KCNQ1: variants seen among roughly 807,000 people sequenced by gnomAD.
KCNQ1 encodes the protein potassium voltage-gated channel subfamily Q member 1.
In KCNQ1, 49 loss-of-function variants were observed where a neutral mutation model predicts 72.4. The observed-to-expected ratio is 0.68, with a 90% CI of 0.54 to 0.86. KCNQ1 has a LOEUF of 0.86. Ranked by LOEUF, KCNQ1 falls within the 40% of genes least tolerant of loss-of-function variation. The pLI is 0.00. For synonymous variants in KCNQ1, 450 were observed against 412.6 expected (o/e 1.09, Z -1.10); for missense variants, 790 against 945.1 (o/e 0.84, Z 2.15).
chr11:2,697,098 T>C, intron 11 of KCNQ1: 1 of 398,632 alleles, frequency 2.5e-6, no homozygotes, highest in Non-Finnish European at 4.4e-6. Context: ...GCCTTTTCTT[T>C]CATTCTCACA....
In KCNQ1 at chr11:2,781,690, GGGCCCTGTTTATTTT is replaced by G. The variant is rs1269083543; in HGVS notation, c.1794+3655_1794+3669del. 3.9e-5 allele frequency among the ~76,000 whole-genome samples: 6 copies of G among 152,232 alleles called. No individual in the cohort carries two copies. Among genetic ancestry groups the G allele is most frequent in the Non-Finnish European group, 2.9e-5 (2 of 68,040 alleles). ...CAGGACCTGCCACACTGTTTACGTTGGGCCCTGTTTATTTTGCAAGCTAAGCTCATACTGCTTTTG... is the reference window on the plus strand; with the variant it reads ...CAGGACCTGCCACACTGTTTACGTTGGCAAGCTAAGCTCATACTGCTTTTG... On this transcript the variant is annotated intron_variant, in intron 15 of 15. Coordinates refer to ENST00000155840, the MANE Select transcript of KCNQ1 (RefSeq NM_000218.3). The surrounding 1 kb of genome is among the most constrained non-coding windows in gnomAD (Gnocchi z 6.6).
rs1297624951 is a variant in KCNQ1 at position 2,492,332 on chromosome 11, C to G, written c.387-35596C>G. Among the ~76,000 whole-genome samples, 1 of 152,098 alleles carries G rather than the reference C, an allele frequency of 6.6e-6. No individual in the cohort carries two copies. The highest frequency in any genetic ancestry group is 2.4e-5 in the African/African-American group (1 of 41,430). Reference sequence around the variant, plus strand: ...CAAAAAAACTTAAAAAGCGGAGAGACAAAAGTTGAAGTGTAGAGATTTTTT... The same window carrying G: ...CAAAAAAACTTAAAAAGCGGAGAGAGAAAAGTTGAAGTGTAGAGATTTTTT... On this transcript the variant is annotated intron_variant, in intron 1 of 15. Coordinates refer to ENST00000155840, the MANE Select transcript of KCNQ1 (RefSeq NM_000218.3). The surrounding 1 kb of genome is among the most constrained non-coding windows in gnomAD (Gnocchi z 4.1).
Position 2,703,672 on chromosome 11 carries a change from C to A in KCNQ1, c.1514+41591C>A, listed in dbSNP as rs1230409899. Among the ~76,000 whole-genome samples, 1 of 152,074 alleles carries A rather than the reference C, an allele frequency of 6.6e-6. No individual in the cohort carries two copies. The highest frequency in any genetic ancestry group is 1.5e-5 in the Non-Finnish European group (1 of 68,026). On this transcript the variant is annotated intron_variant, in intron 11 of 15. Transcript: ENST00000155840. This position sits in a 1 kb window ranked among gnomAD's most constrained non-coding sequence, Gnocchi z 6.4. Reference sequence around the variant, plus strand: ...TGGGGCCCAGAGCCCCGGCGGTGTCCCAGGGGAAACACCAGTCCTCTTCTG... The same window carrying A: ...TGGGGCCCAGAGCCCCGGCGGTGTCACAGGGGAAACACCAGTCCTCTTCTG...
At chr11:2,831,603 G>A (rs984548455) in intron 15 of KCNQ1, among the ~76,000 whole-genome samples, 1 of 151,700 alleles carries the variant, frequency 6.6e-6, no homozygotes, top group African/African-American at 2.4e-5. Flanking sequence ...CAACCATAGT[G>A]TCCCCTCCGC....
rs1849011803 is a variant in KCNQ1 at position 2,613,378 on chromosome 11, G to T, written c.1393+24524G>T. On this transcript the variant is annotated intron_variant, in intron 10 of 15. Coordinates refer to ENST00000155840, the MANE Select transcript of KCNQ1 (RefSeq NM_000218.3). The surrounding 1 kb of genome is among the most constrained non-coding windows in gnomAD (Gnocchi z 4.8). ...TTGAAACATTAGGTTGCTGTGATGT[G>T]GGTTGCCTCCAATTATTTGCCACTG... 1 of 398,358 alleles carries T rather than the reference G, an allele frequency of 2.5e-6. No individual in the cohort carries two copies. Among genetic ancestry groups the T allele is most frequent in the Non-Finnish European group, 4.4e-6 (1 of 226,026 alleles). The allele number at this position is 398,358 out of a possible 1,614,324, so 24.7% of individuals were successfully genotyped here.
rs1848814587 is a variant in KCNQ1, at chr11:2,601,933, T to A, written c.1393+13079T>A. On this transcript the variant is annotated intron_variant, in intron 10 of 15. Transcript: ENST00000155840. The surrounding 1 kb of genome is among the most constrained non-coding windows in gnomAD (Gnocchi z 5.2). The stretch of plus-strand genomic sequence containing the variant: ...CCTAGAACCTGTGACTATCGCCTTC[T>A]ATGGCAAAGGGCACTCTGCAGATGT... Among the ~76,000 whole-genome samples, 1 of 152,176 alleles carries A rather than the reference T, an allele frequency of 6.6e-6. No individual in the cohort carries two copies.
chr11:2,451,855 CTCA>C lies in KCNQ1; in HGVS notation c.386+6372_386+6374del, dbSNP rs1463544893. ...TTGCTCATGCCACACCCAGAAAGCC[CTCA>C]GGACACCCAGAAGCCCTTAGGATGC... On this transcript the variant is annotated intron_variant, in intron 1 of 15. Coordinates refer to ENST00000155840, the MANE Select transcript of KCNQ1 (RefSeq NM_000218.3). This position sits in a 1 kb window ranked among gnomAD's most constrained non-coding sequence, Gnocchi z 6.4. 6.6e-6 allele frequency among the ~76,000 whole-genome samples: 1 copy of C among 152,190 alleles called. No homozygotes were observed. Among genetic ancestry groups the C allele is most frequent in the Non-Finnish European group, 1.5e-5 (1 of 68,042 alleles).
In KCNQ1 at chr11:2,612,873, T is replaced by C. The variant is rs1228283391; in HGVS notation, c.1393+24019T>C. On this transcript the variant is annotated intron_variant, in intron 10 of 15. Coordinates refer to ENST00000155840, the MANE Select transcript of KCNQ1 (RefSeq NM_000218.3). This position sits in a 1 kb window ranked among gnomAD's most constrained non-coding sequence, Gnocchi z 5.5. Reference sequence around the variant, plus strand: ...AACTCTGGATTCTAGTTCTTCTCCCTAACCAGGGATGATTTCTGTTACTCA... The same window carrying C: ...AACTCTGGATTCTAGTTCTTCTCCCCAACCAGGGATGATTTCTGTTACTCA... 5.0e-6 allele frequency: 2 copies of C among 398,510 alleles called. No individual in the cohort carries two copies. The highest frequency in any genetic ancestry group is 8.8e-6 in the Non-Finnish European group (2 of 226,066). 24.7% of individuals were successfully genotyped at this position (398,510 alleles called of 1,614,324 possible).
At chr11:2,490,358 C>T (rs1846815300) in intron 1 of KCNQ1, among the ~76,000 whole-genome samples, 1 of 152,232 alleles carries the variant, frequency 6.6e-6, no homozygotes, top group Admixed American at 6.5e-5. Flanking sequence ...ACTCACCACC[C>T]TAAAGTGAAG....
Position 2,527,949 on chromosome 11 carries a change from C to A in KCNQ1, c.408C>A (p.Cys136Ter). The A allele has an allele frequency of 3.1e-6, 5 of 1,614,094 alleles. No individual in the cohort carries two copies. The highest frequency in any genetic ancestry group is 4.2e-6 in the Non-Finnish European group (5 of 1,180,006). ...GCAGCTTCCTCATCGTCCTGGTCTG[C>A]CTCATCTTCAGCGTGCTGTCCACCA... ...HFAVFLIVLV[C>*]LIFSVLSTIE... is the part of the protein sequence containing the mutation. The change falls in exon 2 of 16, where the codon TGC becomes TGA. Residue 136 changes from cysteine to a stop codon, truncating the protein, a stop_gained. Coordinates refer to ENST00000155840, the MANE Select transcript of KCNQ1 (RefSeq NM_000218.3). LOFTEE classifies it high-confidence loss of function.
intron 10 of KCNQ1, chr11:2,660,806 T>A (rs560608571): frequency 3.8e-5 from 15 of 398,606 alleles, no homozygotes; most frequent in African/African-American, 6.2e-5. Flanking sequence ...TAGCAACATT[T>A]ATTAAAATTA....
Position 2,493,506 on chromosome 11 carries a change from C to A in KCNQ1, c.387-34422C>A, listed in dbSNP as rs187490300. On this transcript the variant is annotated intron_variant, in intron 1 of 15. Transcript: ENST00000155840. This position sits in a 1 kb window ranked among gnomAD's most constrained non-coding sequence, Gnocchi z 5.3. ...TAGGTTTTACATTTAAGTCTTTAATCATCTTGAGTTAATTTTTATATAAGT... is the reference window on the plus strand; with the variant it reads ...TAGGTTTTACATTTAAGTCTTTAATAATCTTGAGTTAATTTTTATATAAGT... 2.6e-5 allele frequency among the ~76,000 whole-genome samples: 4 copies of A among 152,256 alleles called. 1 individual carries two copies. In the East Asian group the frequency reaches 7.7e-4, roughly 29 times the overall value.
chr11:2,574,922 C>A (rs151184976), intron 6 of KCNQ1, among the ~76,000 whole-genome samples: 133 of 152,314 alleles, frequency 8.7e-4, no homozygotes, highest in African/African-American at 3.1e-3. Flanking sequence ...GCCCAGCCCC[C>A]CTGCGGGAGC....
Position 2,450,652 on chromosome 11 carries a change from TC to T in KCNQ1, c.386+5170del, listed in dbSNP as rs929477353. On this transcript the variant is annotated intron_variant, in intron 1 of 15. Transcript: ENST00000155840. This position sits in a 1 kb window ranked among gnomAD's most constrained non-coding sequence, Gnocchi z 7.9. ...AGACCGTCCTGGCCTCCACACCCCTTCCTGGTGGGTAGCTGTCTCTCTCCAG... is the reference window on the plus strand; with the variant it reads ...AGACCGTCCTGGCCTCCACACCCCTTCTGGTGGGTAGCTGTCTCTCTCCAG... 4.6e-5 allele frequency among the ~76,000 whole-genome samples: 7 copies of T among 152,040 alleles called. No individual in the cohort carries two copies. Among genetic ancestry groups the T allele is most frequent in the African/African-American group, 1.4e-4 (6 of 41,390 alleles).
intron 2 of KCNQ1, among the ~76,000 whole-genome samples, chr11:2,554,879 A>AG (rs1405002854): frequency 2.6e-5 from 4 of 152,302 alleles, no homozygotes; most frequent in South Asian, 2.1e-4. Flanking sequence ...CATTCCTGAA[A>AG]GGGGGGGAAA....
At chr11:2,705,012 T>A (rs892942352) in intron 11 of KCNQ1, among the ~76,000 whole-genome samples, 1 of 151,992 alleles carries the variant, frequency 6.6e-6, no homozygotes, top group African/African-American at 2.4e-5. Context: ...CCGTCTTAGC[T>A]ACCCAAGGCC....
In KCNQ1 at chr11:2,562,065, G is replaced by A. The variant is rs1462066119; in HGVS notation, c.478-8563G>A. On this transcript the variant is annotated intron_variant, in intron 2 of 15. Coordinates refer to ENST00000155840, the MANE Select transcript of KCNQ1 (RefSeq NM_000218.3). This position sits in a 1 kb window ranked among gnomAD's most constrained non-coding sequence, Gnocchi z 7.5. ...GCAGGGCAGGGTCATGTCCCCAGCA[G>A]TAAGGCCAGGACAGGGCAGCCGGAC... Among the ~76,000 whole-genome samples, 1 of 152,172 alleles carries A rather than the reference G, an allele frequency of 6.6e-6. No individual in the cohort carries two copies. The highest frequency in any genetic ancestry group is 1.5e-5 in the Non-Finnish European group (1 of 68,008).
chr11:2,729,473 C>G (rs170786), intron 11 of KCNQ1, among the ~76,000 whole-genome samples: 2 of 152,130 alleles, frequency 1.3e-5, no homozygotes, highest in African/African-American at 2.4e-5. Context: ...AAAACTGATA[C>G]GAAATTCCAA....
rs1846497576 is a variant in KCNQ1, at chr11:2,766,347, G to A, written c.1515-2497G>A. On this transcript the variant is annotated intron_variant, in intron 11 of 15. Transcript: ENST00000155840. This position sits in a 1 kb window ranked among gnomAD's most constrained non-coding sequence, Gnocchi z 4.4. ...ATGGTGATGTGGTGGTGGCTGAGTG[G>A]TCTCTGTTGTCCTCACGTGTCTGGA... is the stretch of plus-strand genomic sequence containing the variant. 6.6e-6 allele frequency among the ~76,000 whole-genome samples: 1 copy of A among 152,204 alleles called. No homozygotes were observed. The highest frequency in any genetic ancestry group is 6.5e-5 in the Admixed American group (1 of 15,274).
Sources: allele counts gnomAD v4.1 joint callset (sites outside exome capture counted in the v4.1 genomes callset), GRCh38; gene constraint gnomAD v4.1.1; non-coding constraint Gnocchi (gnomAD v3.1); transcripts MANE v1.5; gene names NCBI Gene and HGNC (gene_info 2026-07-23, HGNC 2026-07-21).